FHIP2A: variants seen among roughly 807,000 people sequenced by gnomAD.
FHIP2A encodes the protein family with sequence similarity 160 member B1.
A neutral mutation model predicts 93.5 loss-of-function variants in FHIP2A; 46 were observed. That is an observed-to-expected ratio of 0.49 (90% CI 0.39 to 0.63). The LOEUF (loss-of-function observed/expected upper bound fraction) is 0.63, where lower values mean the gene tolerates loss of function less well. Among genes scored for constraint, FHIP2A ranks in the 20% least tolerant of loss-of-function variants. FHIP2A has a pLI of 0.00. For missense variants in FHIP2A, 769 were observed against 909.7 expected, an observed-to-expected ratio of 0.85 and a Z score of 1.99; for synonymous variants, 332 against 326.5, an observed-to-expected ratio of 1.02 and a Z score of -0.18.
At chr10:114,866,927 C>T (rs2083831920), downstream of FHIP2A, among the ~76,000 whole-genome samples, 1 of 152,070 alleles carries the variant, frequency 6.6e-6, no homozygotes, top group Non-Finnish European at 1.5e-5. Context: ...CCAGAACAGA[C>T]GCCGGGCGCG....
At chr10:114,877,400 A>G (rs2083895065) in intron 16 of FHIP2A, among the ~76,000 whole-genome samples, 1 of 152,186 alleles carries the variant, frequency 6.6e-6, no homozygotes, top group Non-Finnish European at 1.5e-5. Context: ...ATTAAGCTGG[A>G]GACAACAAAA....
rs772977732 is a variant in FHIP2A at position 114,835,582 on chromosome 10, C to G, written c.340C>G (p.Leu114Val). The change falls in exon 4 of 17, where the codon CTT becomes GTT. Residue 114 changes from leucine (L) to valine (V), a missense_variant. Physicochemically the swap from Leu to Val is conservative, Grantham distance 32. Coordinates refer to ENST00000369248, the MANE Select transcript of FHIP2A (RefSeq NM_020940.4). ...GCAGGTTTTGGTTTTCTATACGAAA[C>G]TTCTGGGAAGAATCCGGCAGCCACT... ...KQQVLVFYTK[L>V]LGRIRQPLLP... is the part of the protein sequence containing the mutation. 1.2e-6 allele frequency: 2 copies of G among 1,613,316 alleles called. No homozygotes were observed. The highest frequency in any genetic ancestry group is 1.7e-6 in the Non-Finnish European group (2 of 1,179,506).
chr10:114,880,680 AAC>A (rs71473073), intron 16 of FHIP2A, among the ~76,000 whole-genome samples: 161 of 143,784 alleles, frequency 1.1e-3, no homozygotes, highest in South Asian at 1.4e-3. Flanking sequence ...ACTCCATGTC[AAC>A]ACACACACAC....
intron 16 of FHIP2A, among the ~76,000 whole-genome samples, chr10:114,875,877 AAG>A (rs1216630168): frequency 3.4e-5 from 5 of 145,032 alleles, no homozygotes; most frequent in South Asian, 2.3e-4. Flanking sequence ...AAGAGAAAGA[AAG>A]AAAAGAAAGA....
Position 114,861,267 on chromosome 10 carries a change from C to G in FHIP2A, c.2125C>G (p.Gln709Glu), listed in dbSNP as rs1354979538. 6.2e-7 allele frequency: 1 copy of G among 1,614,140 alleles called. No homozygotes were observed. The highest frequency in any genetic ancestry group is 1.1e-5 in the South Asian group (1 of 91,082). ...GDLMLRIQRI[Q>E]DFTPKLLLVR... ...CCTTATGCTTCGAATCCAGCGTATT[C>G]AAGACTTTACTCCCAAGCTTCTGTT... Residue 709 changes from glutamine (Q) to glutamate (E), a missense_variant, in exon 16 of 17, where the codon CAA (glutamine) becomes GAA (glutamate). Coordinates refer to ENST00000369248, the MANE Select transcript of FHIP2A (RefSeq NM_020940.4).
Position 114,847,038 on chromosome 10 carries a change from GA to G in FHIP2A, c.1569-48del, listed in dbSNP as rs1225098135. ...ACATAGCAGAGAATCTTTTGGTTTA[GA>G]AAATGTCATAATAAAATAGTGCTTT... On this transcript the variant is annotated intron_variant, in intron 11 of 16. Coordinates refer to ENST00000369248, the MANE Select transcript of FHIP2A (RefSeq NM_020940.4). The G allele has an allele frequency of 8.8e-6, 13 of 1,478,498 alleles. No individual in the cohort carries two copies. In the Admixed American group the frequency reaches 2.6e-4, roughly 30 times the overall value. The allele number at this position is 1,478,498 out of a possible 1,614,324, so 91.6% of individuals were successfully genotyped here.
chr10:114,836,020 A>T, intron 4 of FHIP2A, 104 bp from the exon 5 acceptor site: 1 of 797,502 alleles, frequency 1.3e-6, no homozygotes, highest in Non-Finnish European at 1.9e-6. Flanking sequence ...GGATATTTGC[A>T]TTATATGAAA....
chr10:114,898,338 T>C (rs2143016821), intron 16 of FHIP2A, among the ~76,000 whole-genome samples: 1 of 152,280 alleles, frequency 6.6e-6, no homozygotes, highest in East Asian at 1.9e-4. Context: ...GCACATAGGA[T>C]GCATGGCACG....
chr10:114,884,911 C>CAA (rs35889495), intron 16 of FHIP2A, among the ~76,000 whole-genome samples: 6,283 of 123,900 alleles, frequency 0.051, 211 homozygotes, highest in African/African-American at 0.057. Flanking sequence ...GAGACTCCAT[C>CAA]AAAAAAAAAA....
At chr10:114,879,995 T>C (rs12775180) in intron 16 of FHIP2A, among the ~76,000 whole-genome samples, 40,499 of 152,024 alleles carry the variant, frequency 0.27, 5,953 homozygotes, top group Non-Finnish European at 0.35. Flanking sequence ...TCCACACTTA[T>C]TTAGAGGGGT....
intron 1 of FHIP2A, among the ~76,000 whole-genome samples, chr10:114,827,745 C>T (rs1359207038): frequency 1.1e-4 from 15 of 141,024 alleles, no homozygotes; most frequent in African/African-American, 3.4e-4. Flanking sequence ...TGCAGTGAGC[C>T]GAGATCACGC....
intron 5 of FHIP2A, among the ~76,000 whole-genome samples, chr10:114,840,053 A>G (rs1048809899): frequency 6.6e-6 from 1 of 152,066 alleles, no homozygotes; most frequent in Non-Finnish European, 1.5e-5. Context: ...GGAGAGATTC[A>G]TCAGCTCTAG....
In FHIP2A at chr10:114,893,099, T is replaced by G. The variant is rs576876732; in HGVS notation, c.2193-6391T>G. Among the ~76,000 whole-genome samples, 60 of 152,334 alleles carry G rather than the reference T, an allele frequency of 3.9e-4. 1 individual carries two copies. In the South Asian group the frequency reaches 0.012, roughly 32 times the overall value. ...ACATTAAACAAAACCATCTGTTGATTCACCAATCCACTTCGAGGAATCTTT... is the reference window on the plus strand; with the variant it reads ...ACATTAAACAAAACCATCTGTTGATGCACCAATCCACTTCGAGGAATCTTT... On this transcript the variant is annotated intron_variant, in intron 16 of 16. Coordinates refer to the FHIP2A transcript ENST00000369250.
intron 2 of FHIP2A, among the ~76,000 whole-genome samples, chr10:114,831,308 C>G (rs2083606496): frequency 6.6e-6 from 1 of 152,072 alleles, no homozygotes; most frequent in African/African-American, 2.4e-5. Context: ...TGGGAGTGGA[C>G]AGTTGGCTAT....
chr10:114,868,223 C>T (rs560973919), downstream of FHIP2A, among the ~76,000 whole-genome samples: 5 of 152,252 alleles, frequency 3.3e-5, no homozygotes, highest in African/African-American at 4.8e-5. Flanking sequence ...AGTCCGTGGC[C>T]GGTTGGGAAC....
At chr10:114,842,704 T>C (rs1297473100) in intron 5 of FHIP2A, among the ~76,000 whole-genome samples, 1 of 152,160 alleles carries the variant, frequency 6.6e-6, no homozygotes, top group Non-Finnish European at 1.5e-5. Context: ...TTGCTTATGG[T>C]CAGTGTAAAA....
chr10:114,888,206 A>G (rs1301326467), intron 16 of FHIP2A, among the ~76,000 whole-genome samples: 1 of 152,190 alleles, frequency 6.6e-6, no homozygotes, highest in Non-Finnish European at 1.5e-5. Context: ...TCTGGTTCCC[A>G]GATGCCTCAG....
At chr10:114,822,644 TC>T (rs2083540837) in intron 1 of FHIP2A, among the ~76,000 whole-genome samples, 1 of 152,208 alleles carries the variant, frequency 6.6e-6, no homozygotes, top group Non-Finnish European at 1.5e-5. Context: ...CTGTGGGGCG[TC>T]CCTGGCGAGG....
At chr10:114,895,007 C>T (rs2083994126) in intron 16 of FHIP2A, among the ~76,000 whole-genome samples, 1 of 152,158 alleles carries the variant, frequency 6.6e-6, no homozygotes, top group South Asian at 2.1e-4. Flanking sequence ...TTCTCCATTT[C>T]CTAATGCATG....
Sources: allele counts gnomAD v4.1 joint callset (sites outside exome capture counted in the v4.1 genomes callset), GRCh38; gene constraint gnomAD v4.1.1; transcripts MANE v1.5; gene names NCBI Gene and HGNC (gene_info 2026-07-23, HGNC 2026-07-21).